Variants in CFAP210 observed in about 807,000 individuals in gnomAD.
The protein encoded by CFAP210 is cilia and flagella associated protein 210, also known as cilia- and flagella- associated protein 210.
chr2:169,653,931 C>T, the CFAP210 span: 4 of 843,306 alleles, frequency 4.7e-6, no homozygotes, highest in Admixed American at 3.0e-5. Flanking sequence ...GTCCTCACAC[C>T]CACGTCCCAA....
the CFAP210 span, among the ~76,000 whole-genome samples, chr2:169,678,304 A>AT: frequency 7.0e-6 from 1 of 142,356 alleles, no homozygotes; most frequent in Non-Finnish European, 1.5e-5. Flanking sequence ...CCTTACCATT[A>AT]TACTCCAGCC....
At chr2:169,675,894 C>T in the CFAP210 span, among the ~76,000 whole-genome samples, 1 of 152,180 alleles carries the variant, frequency 6.6e-6, no homozygotes, top group African/African-American at 2.4e-5. Context: ...CTCCTCATGT[C>T]ATATGAGGTC....
the CFAP210 span, among the ~76,000 whole-genome samples, chr2:169,677,473 T>C: frequency 6.6e-6 from 1 of 152,152 alleles, no homozygotes; most frequent in Non-Finnish European, 1.5e-5. Context: ...ATAATCTCAA[T>C]AGACATCAAA....
chr2:169,692,381 C>T, the CFAP210 span, among the ~76,000 whole-genome samples: 5 of 151,518 alleles, frequency 3.3e-5, no homozygotes, highest in East Asian at 1.9e-4. Context: ...GCCTTCTTGC[C>T]GCATCATAAC....
chr2:169,692,440 G>GCACACACA, the CFAP210 span, among the ~76,000 whole-genome samples: 1 of 92,120 alleles, frequency 1.1e-5, no homozygotes, highest in African/African-American at 4.8e-5. Flanking sequence ...GGCAACAGGC[G>GCACACACA]CACGCACACA....
chr2:169,646,848 C>T, the CFAP210 span, among the ~76,000 whole-genome samples: 2 of 151,688 alleles, frequency 1.3e-5, no homozygotes, highest in Non-Finnish European at 2.9e-5. Flanking sequence ...TTCTGTGATG[C>T]TCTGGTTGGC....
At chr2:169,682,667 T>C in the CFAP210 span, among the ~76,000 whole-genome samples, 1 of 152,102 alleles carries the variant, frequency 6.6e-6, no homozygotes, top group South Asian at 2.1e-4. Flanking sequence ...AGGTAAGACA[T>C]CAAAGGAAGG....
At chr2:169,693,435 A>G in the CFAP210 span, among the ~76,000 whole-genome samples, 1 of 152,374 alleles carries the variant, frequency 6.6e-6, no homozygotes, top group East Asian at 1.9e-4. Flanking sequence ...CTAACCTCAT[A>G]AAACCTCCAC....
the CFAP210 span, among the ~76,000 whole-genome samples, chr2:169,677,048 T>A: frequency 6.6e-6 from 1 of 152,074 alleles, no homozygotes; most frequent in Non-Finnish European, 1.5e-5. Context: ...ACTATAACCT[T>A]CAGGCAGAGG....
the CFAP210 span, among the ~76,000 whole-genome samples, chr2:169,685,667 G>T: frequency 1.3e-5 from 2 of 149,522 alleles, no homozygotes; most frequent in Non-Finnish European, 1.5e-5. Flanking sequence ...TCATATCTAA[G>T]AAATTGTTGC....
the CFAP210 span, among the ~76,000 whole-genome samples, chr2:169,682,920 G>T: frequency 6.6e-6 from 1 of 152,152 alleles, no homozygotes; most frequent in Non-Finnish European, 1.5e-5. Context: ...TTTAAGACTA[G>T]CGCCTGGTAC....
chr2:169,680,985 C>T, the CFAP210 span: 2 of 1,593,990 alleles, frequency 1.3e-6, no homozygotes, highest in Non-Finnish European at 1.7e-6. Context: ...TGCATGTGTA[C>T]TCCTGGATGG....
the CFAP210 span, chr2:169,694,114 G>A: frequency 1.3e-6 from 1 of 770,126 alleles, no homozygotes; most frequent in South Asian, 1.5e-5. Context: ...TTCACACAGA[G>A]CCCAAAGATG....
the CFAP210 span, among the ~76,000 whole-genome samples, chr2:169,672,685 C>A: frequency 6.6e-6 from 1 of 152,140 alleles, no homozygotes; most frequent in African/African-American, 2.4e-5. Context: ...AGTAGCCTAC[C>A]TTCTTCTACC....
the CFAP210 span, among the ~76,000 whole-genome samples, chr2:169,651,398 GAA>G: frequency 2.7e-5 from 4 of 150,624 alleles, no homozygotes; most frequent in Admixed American, 2.6e-4. Flanking sequence ...TAAAAAAAAA[GAA>G]AAAAAATTTT....
chr2:169,645,717 C>G, the CFAP210 span: 1 of 677,748 alleles, frequency 1.5e-6, no homozygotes, highest in African/African-American at 1.8e-5. Flanking sequence ...ATACTGAGAA[C>G]AATCAATTAA....
At chr2:169,680,774 T>C in the CFAP210 span, among the ~76,000 whole-genome samples, 5 of 152,198 alleles carry the variant, frequency 3.3e-5, no homozygotes, top group Non-Finnish European at 5.9e-5. Context: ...ATTATCCTAA[T>C]AGTAATGATG....
the CFAP210 span, among the ~76,000 whole-genome samples, chr2:169,688,575 A>C: frequency 0.01 from 1,552 of 152,300 alleles, 29 homozygotes; most frequent in African/African-American, 0.036. Flanking sequence ...CATCTTTCTC[A>C]AAGTTCCACA....
At chr2:169,688,673 C>T in the CFAP210 span, among the ~76,000 whole-genome samples, 10 of 152,218 alleles carry the variant, frequency 6.6e-5, no homozygotes, top group Non-Finnish European at 1.3e-4. Flanking sequence ...GAAAGTTCCT[C>T]ATCTCCATCT....
Sources: gnomAD v4.1 joint callset for allele counts (sites outside exome capture counted in the v4.1 genomes callset) on GRCh38, gnomAD v4.1.1 for gene constraint, MANE v1.5 for transcripts, NCBI Gene and HGNC (gene_info 2026-07-23, HGNC 2026-07-21) for gene names.